Variants in IL19 observed in about 807,000 individuals in gnomAD.
The protein encoded by IL19 is interleukin-19.
Under a neutral mutation model 19.5 loss-of-function variants are expected in IL19, and 15 were observed. The observed-to-expected ratio is 0.77, with a 90% CI of 0.52 to 1.19. The LOEUF (loss-of-function observed/expected upper bound fraction) is 1.19, where lower values mean the gene tolerates loss of function less well. Ranked by LOEUF, IL19 falls within the 50% of genes most tolerant of loss-of-function variation. IL19 has a pLI of 0.00. For missense variants in IL19, 199 were observed against 213.1 expected (o/e 0.93, Z 0.41); for synonymous variants, 78 against 78.3 (o/e 1.00, Z 0.02).
At chr1:206,795,927 A>ATATATGTGTGTGTG (rs1553439245) in intron 1 of IL19, among the ~76,000 whole-genome samples, 19 of 133,628 alleles carry the variant, frequency 1.4e-4, no homozygotes, top group Non-Finnish European at 2.1e-4. Flanking sequence ...AAATATATAT[A>ATATATGTGTGTGTG]TGTGTGTGTG....
intron 2 of IL19, among the ~76,000 whole-genome samples, chr1:206,817,901 T>C (rs576867062): frequency 1.3e-5 from 2 of 152,180 alleles, no homozygotes; most frequent in Admixed American, 1.3e-4. Flanking sequence ...GTAGCTAAGA[T>C]TGCAGGCGTG....
At chr1:206,819,351 T>A (rs574997312) in intron 2 of IL19, among the ~76,000 whole-genome samples, 9 of 152,020 alleles carry the variant, frequency 5.9e-5, no homozygotes, top group African/African-American at 2.2e-4. Flanking sequence ...TTTGGGAGGC[T>A]GAGGCGGGCA....
chr1:206,802,207 G>C (rs2102461741), intron 2 of IL19, among the ~76,000 whole-genome samples: 3 of 140,746 alleles, frequency 2.1e-5, no homozygotes, highest in Middle Eastern at 7.0e-3. Flanking sequence ...GTTGGTGATG[G>C]AGATGGGATT....
chr1:206,818,898 C>T (rs536820062), intron 2 of IL19, among the ~76,000 whole-genome samples: 20 of 151,232 alleles, frequency 1.3e-4, no homozygotes, highest in South Asian at 8.4e-4. Context: ...CTGCAACCTC[C>T]GCCTCCCAGG....
intron 6 of IL19, 33 bp from the exon 7 acceptor site, chr1:206,842,492 GAA>G (rs1395588071): frequency 1.6e-6 from 2 of 1,281,874 alleles, no homozygotes; most frequent in African/African-American, 3.0e-5. Context: ...ACACAGTCTA[GAA>G]AGGTGGGTTC....
chr1:206,791,037 CA>C (rs1184890748), intron 1 of IL19, among the ~76,000 whole-genome samples: 1 of 152,162 alleles, frequency 6.6e-6, no homozygotes, highest in East Asian at 1.9e-4. Flanking sequence ...GGGGCTTTCC[CA>C]CATCTGGTCA....
At chr1:206,790,737 T>C (rs1017639044) in intron 1 of IL19, among the ~76,000 whole-genome samples, 1 of 152,114 alleles carries the variant, frequency 6.6e-6, no homozygotes, top group Non-Finnish European at 1.5e-5. Context: ...CCTTCCCCCA[T>C]TGCCCCCCAC....
intron 1 of IL19, among the ~76,000 whole-genome samples, chr1:206,787,811 A>G (rs951756539): frequency 1.2e-4 from 19 of 152,240 alleles, no homozygotes; most frequent in Non-Finnish European, 2.5e-4. Context: ...CAGAACCAGC[A>G]GTAGGACTAG....
intron 1 of IL19, among the ~76,000 whole-genome samples, chr1:206,775,803 G>GC (rs1317254907): frequency 1.3e-5 from 2 of 152,192 alleles, no homozygotes; most frequent in Non-Finnish European, 2.9e-5. Context: ...TTGGTACAAG[G>GC]CAAGAGCCCA....
chr1:206,804,247 T>C (rs1285202761), intron 2 of IL19, among the ~76,000 whole-genome samples: 1 of 152,204 alleles, frequency 6.6e-6, no homozygotes, highest in Non-Finnish European at 1.5e-5. Context: ...TTGAAAGTCA[T>C]GAAGCAGAAT....
chr1:206,842,737 C>A lies in IL19; in HGVS notation c.*115C>A. 1.6e-6 allele frequency: 1 copy of A among 631,236 alleles called. No individual in the cohort carries two copies. Among genetic ancestry groups the A allele is most frequent in the Non-Finnish European group, 2.8e-6 (1 of 363,344 alleles). The allele number at this position is 631,236 out of a possible 1,614,324, so 39.1% of individuals were successfully genotyped here. ...GGGAAGGCCCCTTGCAGCTGAAAGT[C>A]CCACTGGCTGGCCTCAGGCTGTCTT... On this transcript the variant is annotated 3_prime_UTR_variant, in exon 7 of 7. Transcript: ENST00000659997.
chr1:206,771,101 T>G (rs1004062279), intron 1 of IL19, 23 bp downstream of exon 1: 1 of 1,610,200 alleles, frequency 6.2e-7, no homozygotes, highest in Non-Finnish European at 8.5e-7. Context: ...TTGGCGGAGG[T>G]GGCTGGGAGG....
chr1:206,772,605 C>T, intron 1 of IL19: 3 of 644,156 alleles, frequency 4.7e-6, no homozygotes, highest in Non-Finnish European at 8.1e-6. Context: ...CTGCTTAGAG[C>T]TCCTCCTTCT....
At chr1:206,771,390 A>C (rs756548976) in intron 1 of IL19, 1 of 1,613,140 alleles carries the variant, frequency 6.2e-7, no homozygotes, top group Non-Finnish European at 8.5e-7. Context: ...CTTTAACAAC[A>C]AGTTGTCCAG....
At chr1:206,813,470 G>T (rs1384887209) in intron 2 of IL19, among the ~76,000 whole-genome samples, 2 of 152,104 alleles carry the variant, frequency 1.3e-5, no homozygotes. Flanking sequence ...GCAATAGCCA[G>T]CCAGTGTCTC....
At chr1:206,818,379 A>C (rs1000476910) in intron 2 of IL19, among the ~76,000 whole-genome samples, 1 of 152,272 alleles carries the variant, frequency 6.6e-6, no homozygotes, top group African/African-American at 2.4e-5. Context: ...TTAATTGGTC[A>C]TACATGCAAC....
At chr1:206,832,967 C>G (rs907539825) in intron 2 of IL19, among the ~76,000 whole-genome samples, 44 of 152,202 alleles carry the variant, frequency 2.9e-4, no homozygotes, top group Admixed American at 6.5e-5. Context: ...TCTCTGTCTC[C>G]CAAATCTGGC....
chr1:206,793,140 G>T (rs1376288643), intron 1 of IL19, among the ~76,000 whole-genome samples: 3 of 152,218 alleles, frequency 2.0e-5, no homozygotes. Flanking sequence ...CAATCCTCAG[G>T]GTTGGTCAGC....
intron 2 of IL19, chr1:206,833,621 AG>A: frequency 2.1e-6 from 2 of 973,342 alleles, no homozygotes; most frequent in Non-Finnish European, 2.4e-6. Flanking sequence ...TTATGTAAAA[AG>A]GTAATTTAGT....
Sources: allele counts gnomAD v4.1 joint callset (sites outside exome capture counted in the v4.1 genomes callset), GRCh38; gene constraint gnomAD v4.1.1; transcripts MANE v1.5; gene names NCBI Gene and HGNC (gene_info 2026-07-23, HGNC 2026-07-21).